The following PARL variants were observed in gnomAD, a reference collection of about 807,000 sequenced individuals.
The protein encoded by PARL is presenilin-associated rhomboid-like protein, mitochondrial.
PARL carries 44 observed loss-of-function variants against 51.6 expected under a neutral mutation model. That is an observed-to-expected ratio of 0.85 (90% CI 0.67 to 1.10). The LOEUF is 1.10. PARL is among the 50% of genes least tolerant of loss of function. The pLI is 0.00. For missense variants in PARL, 441 were observed against 469.5 expected (o/e 0.94, Z 0.56); for synonymous variants, 172 against 164.0 (o/e 1.05, Z -0.37).
At chr3:183,832,292 C>T (rs1577270546) in intron 9 of PARL, among the ~76,000 whole-genome samples, 1 of 151,286 alleles carries the variant, frequency 6.6e-6, no homozygotes, top group East Asian at 1.9e-4. Flanking sequence ...GATCTCGGCT[C>T]ACTGCAAGCT....
intron 7 of PARL, among the ~76,000 whole-genome samples, chr3:183,837,706 T>C (rs2108597174): frequency 6.6e-6 from 1 of 152,318 alleles, no homozygotes; most frequent in East Asian, 1.9e-4. Flanking sequence ...GGAAGACCAC[T>C]GAAACAGCAG....
intron 9 of PARL, among the ~76,000 whole-genome samples, chr3:183,830,112 A>G (rs1032600019): frequency 3.3e-5 from 5 of 152,188 alleles, no homozygotes; most frequent in African/African-American, 1.2e-4. Flanking sequence ...AAGTGTCAGA[A>G]TTAGCACTGA....
intron 9 of PARL, among the ~76,000 whole-genome samples, chr3:183,832,749 T>G (rs262999): frequency 1.3e-5 from 2 of 151,966 alleles, no homozygotes; most frequent in Admixed American, 6.6e-5. Context: ...ACCCCATTGT[T>G]TGAAGCACAC....
Position 183,875,415 on chromosome 3 carries a change from CAAAAAAAAAAA to C in PARL, c.126-7366_126-7356del, listed in dbSNP as rs61316689. Reference sequence around the variant, plus strand: ...GGGCGACAGAGCAAGACTCTGTCTCCAAAAAAAAAAAAAAAAAAAAAAATAGAGTAAGAAAG... The same window carrying C: ...GGGCGACAGAGCAAGACTCTGTCTCCAAAAAAAAAAAATAGAGTAAGAAAG... On this transcript the variant is annotated intron_variant, in intron 1 of 9. Coordinates refer to ENST00000317096, the MANE Select transcript of PARL (RefSeq NM_018622.7). 4.6e-3 allele frequency among the ~76,000 whole-genome samples: 276 copies of C among 60,146 alleles called. 1 individual carries two copies. Among genetic ancestry groups the C allele is most frequent in the African/African-American group, 0.019 (263 of 13,964 alleles). The allele number at this position is 60,146 out of a possible 152,430, so 39.5% of individuals were successfully genotyped here. A position where few individuals can be genotyped will look rare whatever the true frequency, so the allele number is the denominator to read the frequency against.
intron 9 of PARL, 101 bp from the exon 10 acceptor site, chr3:183,829,810 CCACT>C: frequency 1.1e-6 from 1 of 920,164 alleles, no homozygotes; most frequent in Non-Finnish European, 1.8e-6. Context: ...AAATCGAATG[CCACT>C]CACTATGTAG....
At chr3:183,833,445 G>A (rs758899255) in intron 9 of PARL, 47 bp downstream of exon 9, 13 of 1,119,810 alleles carry the variant, frequency 1.2e-5, no homozygotes, top group Admixed American at 1.0e-4. Context: ...TAGGAGGAGC[G>A]CATGACCCAA....
intron 1 of PARL, among the ~76,000 whole-genome samples, chr3:183,881,147 G>A (rs1734391297): frequency 7.1e-6 from 1 of 140,502 alleles, no homozygotes; most frequent in Non-Finnish European, 1.5e-5. Flanking sequence ...TTCAGATGAA[G>A]TCTTGCTCTT....
At chr3:183,863,563 T>C (rs1175574563) in intron 3 of PARL, among the ~76,000 whole-genome samples, 5 of 152,164 alleles carry the variant, frequency 3.3e-5, no homozygotes, top group African/African-American at 1.2e-4. Context: ...AAATCCAAGG[T>C]AAAAGAAACT....
intron 1 of PARL, among the ~76,000 whole-genome samples, chr3:183,876,236 G>A (rs1266035279): frequency 1.3e-5 from 2 of 152,064 alleles, no homozygotes; most frequent in Non-Finnish European, 2.9e-5. Flanking sequence ...TAGTAGAGAT[G>A]GGGTTTCACC....
intron 1 of PARL, among the ~76,000 whole-genome samples, chr3:183,872,760 A>C (rs1268157444): frequency 6.6e-6 from 1 of 152,202 alleles, no homozygotes; most frequent in Non-Finnish European, 1.5e-5. Context: ...GCCCCTTGGA[A>C]AGGTTTTGCT....
At chr3:183,852,700 A>G (rs1212446401) in intron 4 of PARL, among the ~76,000 whole-genome samples, 1 of 152,236 alleles carries the variant, frequency 6.6e-6, no homozygotes, top group Non-Finnish European at 1.5e-5. Context: ...GAATGTACTT[A>G]AAGCAACTAA....
intron 4 of PARL, among the ~76,000 whole-genome samples, chr3:183,858,922 C>T (rs1184952456): frequency 6.6e-6 from 1 of 151,896 alleles, no homozygotes; most frequent in Non-Finnish European, 1.5e-5. Flanking sequence ...AAAAAAATCC[C>T]CAAACAAACC....
Position 183,833,788 on chromosome 3 carries a change from G to A in PARL, c.866C>T (p.Thr289Ile), listed in dbSNP as rs1449050930. 1.2e-6 allele frequency: 2 copies of A among 1,613,354 alleles called. No individual in the cohort carries two copies. Among genetic ancestry groups the A allele is most frequent in the African/African-American group, 1.3e-5 (1 of 74,902 alleles). The change falls in exon 8 of 10, where the codon ACT becomes ATT. Residue 289 changes from threonine (T) to isoleucine (I), a missense_variant. Transcript: ENST00000317096. Reference sequence around the variant, plus strand: ...GGCAAGCCTCCCTTCTGGGATCTTAGTGCAGACAGCTGCGAGGACTGTCAT... The same window carrying A: ...GGCAAGCCTCCCTTCTGGGATCTTAATGCAGACAGCTGCGAGGACTGTCAT... ...AIMTVLAAVC[T>I]KIPEGRLAII...
chr3:183,852,177 T>C (rs1730623010), intron 4 of PARL, among the ~76,000 whole-genome samples: 1 of 152,036 alleles, frequency 6.6e-6, no homozygotes, highest in African/African-American at 2.4e-5. Flanking sequence ...AAAACAGTAT[T>C]GCCAAGGATG....
intron 1 of PARL, among the ~76,000 whole-genome samples, chr3:183,882,242 TA>T (rs1560442158): frequency 0.034 from 704 of 20,958 alleles, 37 homozygotes; most frequent in Non-Finnish European, 0.055. Context: ...TATATATATA[TA>T]TTTATATATA....
chr3:183,868,426 G>A (rs911861054), intron 1 of PARL, among the ~76,000 whole-genome samples: 4 of 150,420 alleles, frequency 2.7e-5, no homozygotes, highest in Non-Finnish European at 4.4e-5. Flanking sequence ...TCCCTCCGTC[G>A]CCCAGGCTAG....
chr3:183,884,670 G>A (rs1734923218), intron 1 of PARL, 52 bp downstream of exon 1: 3 of 1,555,342 alleles, frequency 1.9e-6, no homozygotes, highest in South Asian at 1.2e-5. Context: ...AGGATACACG[G>A]CCAGAGCTCA....
chr3:183,839,178 G>A (rs1729004273), intron 7 of PARL, among the ~76,000 whole-genome samples: 1 of 152,190 alleles, frequency 6.6e-6, no homozygotes. Context: ...AAAATTAAGT[G>A]TAAACAAATT....
At chr3:183,850,762 G>A (rs1443909047) in intron 4 of PARL, among the ~76,000 whole-genome samples, 3 of 152,114 alleles carry the variant, frequency 2.0e-5, no homozygotes, top group African/African-American at 7.2e-5. Flanking sequence ...ACCAAATCCA[G>A]CCATATATAA....
Sources: allele counts gnomAD v4.1 joint callset (sites outside exome capture counted in the v4.1 genomes callset), GRCh38; gene constraint gnomAD v4.1.1; transcripts MANE v1.5; gene names NCBI Gene and HGNC (gene_info 2026-07-23, HGNC 2026-07-21).